Variants in CCDC187 observed in about 807,000 individuals in gnomAD.
CCDC187 encodes the protein coiled-coil domain-containing protein 187.
Under a neutral mutation model 38.0 loss-of-function variants are expected in CCDC187, and 32 were observed. The observed-to-expected ratio is 0.84, with a 90% confidence interval of 0.64 to 1.13. CCDC187 has a LOEUF of 1.13. Ranked by LOEUF, CCDC187 falls within the 50% of genes most tolerant of loss-of-function variation. The pLI, the probability that CCDC187 is intolerant of heterozygous loss-of-function variation, is 0.00. For synonymous variants in CCDC187, 333 were observed against 347.9 expected (o/e 0.96, Z 0.48); for missense variants, 707 against 786.8 (o/e 0.90, Z 1.21).
intron 3 of CCDC187, among the ~76,000 whole-genome samples, 196 bp from the exon 4 acceptor site, chr9:136,298,017 C>T (rs1252167980): frequency 1.3e-5 from 2 of 152,218 alleles, no homozygotes; most frequent in African/African-American, 4.8e-5. Context: ...CTGACTGTCA[C>T]GTCCCCTGCA....
chr9:136,250,663 T>TC lies in CCDC187; in HGVS notation c.*2930dup. 1 of 445,262 alleles carries TC rather than the reference T, an allele frequency of 2.2e-6. No homozygotes were observed. The highest frequency in any genetic ancestry group is 4.6e-6 in the Non-Finnish European group (1 of 219,562). The allele number at this position is 445,262 out of a possible 1,614,324, so 27.6% of individuals were successfully genotyped here. ...TTGGGAGCATGGAGCAGGAACACAT[T>TC]CCCCACTGGATCCAAACATCTGCAT... On this transcript the variant is annotated 3_prime_UTR_variant, in exon 26 of 26. Coordinates refer to ENST00000638797, the MANE Select transcript of CCDC187 (RefSeq NM_001378188.1).
At chr9:136,301,806 T>A (rs1158457392) in intron 2 of CCDC187, among the ~76,000 whole-genome samples, 1 of 151,988 alleles carries the variant, frequency 6.6e-6, no homozygotes, top group Admixed American at 6.6e-5. Flanking sequence ...GCCAGGATAG[T>A]CTCGATCTCC....
Position 136,250,940 on chromosome 9 carries a change from C to T in CCDC187, c.*2654G>A, listed in dbSNP as rs541550999. Reference sequence around the variant, plus strand: ...TTCTAAGGGGCCTGGGGTCTCTCACCAGAGCTATGGGGTAGAGGGCCTTGG... The same window carrying T: ...TTCTAAGGGGCCTGGGGTCTCTCACTAGAGCTATGGGGTAGAGGGCCTTGG... On this transcript the variant is annotated 3_prime_UTR_variant, in exon 26 of 26. Transcript: ENST00000638797. 4.4e-6 allele frequency: 2 copies of T among 453,184 alleles called. No individual in the cohort carries two copies. The highest frequency in any genetic ancestry group is 1.6e-5 in the South Asian group (1 of 64,504). 28.1% of individuals were successfully genotyped at this position (453,184 alleles called of 1,614,324 possible).
rs1242951894 is a variant in CCDC187 at position 136,250,592 on chromosome 9, G to A, written c.*3002C>T. The stretch of plus-strand genomic sequence containing the variant: ...ACTAATTTGTTCAGAAGACTAGAAG[G>A]GGATCAATGAGAAAGCTGTAGCTCA... On this transcript the variant is annotated 3_prime_UTR_variant, in exon 26 of 26. Coordinates refer to ENST00000638797, the MANE Select transcript of CCDC187 (RefSeq NM_001378188.1). 3 of 363,700 alleles carry A rather than the reference G, an allele frequency of 8.2e-6. No individual in the cohort carries two copies. The highest frequency in any genetic ancestry group is 7.5e-5 in the East Asian group (1 of 13,406). 22.5% of individuals were successfully genotyped at this position (363,700 alleles called of 1,614,324 possible).
chr9:136,284,000 C>A (rs941194942), intron 9 of CCDC187, among the ~76,000 whole-genome samples: 3 of 152,080 alleles, frequency 2.0e-5, no homozygotes, highest in Non-Finnish European at 4.4e-5. Flanking sequence ...AAGGCCCTGG[C>A]GCAGGCACCA....
intron 3 of CCDC187, 59 bp downstream of exon 3, chr9:136,300,161 C>A: frequency 2.5e-6 from 1 of 398,190 alleles, no homozygotes; most frequent in Non-Finnish European, 4.4e-6. Context: ...TGTGCTGCCC[C>A]CATCATGGCC....
In CCDC187 at chr9:136,294,131, C is replaced by T. The variant is rs891583843; in HGVS notation, c.833-1836G>A. Among the ~76,000 whole-genome samples the T allele has an allele frequency of 3.6e-4, 42 of 117,138 alleles. 1 individual carries two copies. The highest frequency in any genetic ancestry group is 8.6e-4 in the African/African-American group (27 of 31,508). 76.8% of individuals were successfully genotyped at this position (117,138 alleles called of 152,430 possible). On this transcript the variant is annotated intron_variant, in intron 4 of 25. Coordinates refer to ENST00000638797, the MANE Select transcript of CCDC187 (RefSeq NM_001378188.1). ...ACACTCACACACTCTCACACTCATACACACGCCCTCACATGCTCTCACACA... is the reference window on the plus strand; with the variant it reads ...ACACTCACACACTCTCACACTCATATACACGCCCTCACATGCTCTCACACA...
chr9:136,279,584 A>C (rs1282497634), intron 10 of CCDC187, among the ~76,000 whole-genome samples: 1 of 152,148 alleles, frequency 6.6e-6, no homozygotes, highest in Admixed American at 6.5e-5. Flanking sequence ...ACTGTCTGTG[A>C]CTCACAGCAG....
upstream of CCDC187, among the ~76,000 whole-genome samples, chr9:136,304,693 T>C (rs1831771445): frequency 1.3e-5 from 2 of 152,146 alleles, no homozygotes; most frequent in Non-Finnish European, 2.9e-5. Context: ...CCACCCCCAC[T>C]GGCAGTGCCA....
At chr9:136,268,537 C>T (rs1347965370) in intron 14 of CCDC187, among the ~76,000 whole-genome samples, 1 of 152,136 alleles carries the variant, frequency 6.6e-6, no homozygotes, top group African/African-American at 2.4e-5. Context: ...TGCTGCCGAC[C>T]TCTGCTGGCC....
In CCDC187 at chr9:136,258,580, A is replaced by T. The variant is rs1255419423; in HGVS notation, c.4366+352T>A. ...CCAAGTGTAAGGTTCAGAAAGAGAA[A>T]AATGTAATCGGTGCAGAAACCTCCG... On this transcript the variant is annotated intron_variant, in intron 22 of 25. Transcript: ENST00000638797. The surrounding 1 kb of genome is among the most constrained non-coding windows in gnomAD (Gnocchi z 4.3). Among the ~76,000 whole-genome samples the T allele has an allele frequency of 6.6e-6, 1 of 152,162 alleles. No individual in the cohort carries two copies. The highest frequency in any genetic ancestry group is 1.5e-5 in the Non-Finnish European group (1 of 68,024).
chr9:136,263,470 G>A lies in CCDC187; in HGVS notation c.3912+152C>T, dbSNP rs546323176. On this transcript the variant is annotated intron_variant, in intron 18 of 25. Coordinates refer to ENST00000638797, the MANE Select transcript of CCDC187 (RefSeq NM_001378188.1). ...AGGATGGTCTCCATCTCCTGACCTC[G>A]TGATCCACCCGCCTCGGCCTCCCAA... Among the ~76,000 whole-genome samples the A allele has an allele frequency of 1.6e-4, 25 of 152,204 alleles. No individual in the cohort carries two copies. The East Asian group carries it at 4.6e-3, about 28-fold the overall frequency.
Position 136,251,784 on chromosome 9 carries a change from C to T in CCDC187, c.*1810G>A, listed in dbSNP as rs1212734978. 1 of 154,252 alleles carries T rather than the reference C, an allele frequency of 6.5e-6. No individual in the cohort carries two copies. The highest frequency in any genetic ancestry group is 2.4e-5 in the African/African-American group (1 of 41,468). 9.6% of individuals were successfully genotyped at this position (154,252 alleles called of 1,614,324 possible). On this transcript the variant is annotated 3_prime_UTR_variant, in exon 26 of 26. Coordinates refer to ENST00000638797, the MANE Select transcript of CCDC187 (RefSeq NM_001378188.1). ...TGATGCGAAGAAGCAGGTGTGCAGT[C>T]CGGGCCTGGCTTCAGGTGACCGTCC... is the stretch of plus-strand genomic sequence containing the variant.
At chr9:136,293,184 C>CAA (rs1831385140) in intron 4 of CCDC187, among the ~76,000 whole-genome samples, 3 of 145,674 alleles carry the variant, frequency 2.1e-5, no homozygotes, top group Non-Finnish European at 3.0e-5. Context: ...CTCACACACA[C>CAA]TCACATGCTC....
intron 20 of CCDC187, 69 bp downstream of exon 20, chr9:136,260,050 C>G (rs1830662455): frequency 5.1e-6 from 5 of 981,082 alleles, no homozygotes; most frequent in Non-Finnish European, 6.1e-6. Context: ...TAATGCCACC[C>G]CACACTGCCC....
Position 136,262,322 on chromosome 9 carries a change from T to G in CCDC187, c.4053A>C (p.Ser1351=). 3.0e-6 allele frequency: 3 copies of G among 986,556 alleles called. No individual in the cohort carries two copies. Among genetic ancestry groups the G allele is most frequent in the Non-Finnish European group, 3.6e-6 (3 of 830,816 alleles). 61.1% of individuals were successfully genotyped at this position (986,556 alleles called of 1,614,324 possible). ...SHRPQSSPAS[S]KATRPPTEQQ... ...ACCAACCAACTCACCGCGTGGCCTT[T>G]GAGCTTGCGGGGCTGCTCTGGGGGC... The change falls in exon 19 of 26, where the codon TCA becomes TCC. Residue 1351 remains serine, a synonymous_variant. Coordinates refer to ENST00000638797, the MANE Select transcript of CCDC187 (RefSeq NM_001378188.1).
Position 136,286,872 on chromosome 9 carries a change from C to T in CCDC187, c.2223-177G>A, listed in dbSNP as rs1053701503. Among the ~76,000 whole-genome samples, 468 of 152,320 alleles carry T rather than the reference C, an allele frequency of 3.1e-3. 2 individuals are homozygous for T. The highest frequency in any genetic ancestry group is 4.8e-3 in the Non-Finnish European group (329 of 68,044). Reference sequence around the variant, plus strand: ...TCCACACAACAGACCACACAGCTGCCGCAAAGAACAGGGCCAGGCGTGAGC... The same window carrying T: ...TCCACACAACAGACCACACAGCTGCTGCAAAGAACAGGGCCAGGCGTGAGC... On this transcript the variant is annotated intron_variant, in intron 7 of 25. Transcript: ENST00000638797.
At chr9:136,299,003 T>C (rs1387566260) in intron 3 of CCDC187, among the ~76,000 whole-genome samples, 1 of 152,048 alleles carries the variant, frequency 6.6e-6, no homozygotes, top group East Asian at 1.9e-4. Context: ...CGGTGACTGA[T>C]AGGATGGGGT....
chr9:136,293,378 C>A (rs1211225947), intron 4 of CCDC187, among the ~76,000 whole-genome samples: 6 of 136,418 alleles, frequency 4.4e-5, no homozygotes, highest in Admixed American at 1.5e-4. Context: ...CTCACACACT[C>A]ACACTCACAT....
Sources: allele counts gnomAD v4.1 joint callset (sites outside exome capture counted in the v4.1 genomes callset), GRCh38; gene constraint gnomAD v4.1.1; non-coding constraint Gnocchi (gnomAD v3.1); transcripts MANE v1.5; gene names NCBI Gene and HGNC (gene_info 2026-07-23, HGNC 2026-07-21).